Variants in WWOX observed in about 807,000 individuals in gnomAD.
WWOX encodes the protein WW domain containing oxidoreductase.
WWOX carries 69 observed loss-of-function variants against 46.2 expected under a neutral mutation model. The observed-to-expected ratio is 1.49, with a 90% CI of 1.23 to 1.82. WWOX has a LOEUF of 1.82. Among genes scored for constraint, WWOX ranks in the 40% most tolerant of loss-of-function variants. WWOX has a pLI of 0.00. For missense variants in WWOX, 919 were observed against 542.6 expected, an observed-to-expected ratio of 1.69 and a Z score of -6.89; for synonymous variants, 359 against 202.6, an observed-to-expected ratio of 1.77 and a Z score of -6.56.
intron 8 of WWOX, among the ~76,000 whole-genome samples, chr16:78,901,115 C>T (rs1384843081): frequency 6.6e-6 from 1 of 152,174 alleles, no homozygotes; most frequent in Non-Finnish European, 1.5e-5. Flanking sequence ...TTACCTTTCT[C>T]CTTCAAGCTG....
chr16:78,239,691 C>T lies in WWOX; in HGVS notation c.516+75402C>T, dbSNP rs118003830. 9.2e-3 allele frequency among the ~76,000 whole-genome samples: 1,406 copies of T among 152,136 alleles called. 8 individuals carry two copies. Among genetic ancestry groups the T allele is most frequent in the Non-Finnish European group, 0.014 (969 of 68,006 alleles). On this transcript the variant is annotated intron_variant, in intron 5 of 8. Coordinates refer to ENST00000566780, the MANE Select transcript of WWOX (RefSeq NM_016373.4). ...GTGGGTCTACAGTCACATGCCACCA[C>T]GTCTGGCTAGTTTTTGTATTTTTTA...
At chr16:79,102,139 T>C (rs2049212908) in intron 8 of WWOX, among the ~76,000 whole-genome samples, 2 of 151,342 alleles carry the variant, frequency 1.3e-5, no homozygotes, top group Admixed American at 1.3e-4. Flanking sequence ...AACAATGTAC[T>C]GGAGTGCTTA....
At chr16:78,543,651 C>T (rs745728942) in intron 8 of WWOX, among the ~76,000 whole-genome samples, 4 of 152,108 alleles carry the variant, frequency 2.6e-5, no homozygotes, top group Non-Finnish European at 5.9e-5. Flanking sequence ...AATATTAAAC[C>T]CTCAGTTGTA....
At chr16:79,026,464 G>C (rs866626067) in intron 8 of WWOX, among the ~76,000 whole-genome samples, 7 of 151,616 alleles carry the variant, frequency 4.6e-5, no homozygotes, top group Non-Finnish European at 7.4e-5. Flanking sequence ...TCTCACATCA[G>C]CTTGCAGTTC....
chr16:78,599,516 C>G (rs956961037), intron 8 of WWOX, among the ~76,000 whole-genome samples: 1 of 152,228 alleles, frequency 6.6e-6, no homozygotes, highest in Non-Finnish European at 1.5e-5. Flanking sequence ...ATGGATGGCC[C>G]TGGTCATGTG....
intron 8 of WWOX, among the ~76,000 whole-genome samples, chr16:78,687,520 G>A (rs773354768): frequency 9.9e-5 from 15 of 152,108 alleles, no homozygotes; most frequent in Non-Finnish European, 1.9e-4. Context: ...TTGTGACTCT[G>A]CCTTGCCATT....
intron 8 of WWOX, among the ~76,000 whole-genome samples, chr16:78,879,710 G>T (rs2656618): frequency 0.29 from 43,379 of 151,762 alleles, 6,425 homozygotes; most frequent in Middle Eastern, 0.41. Context: ...AAACCCTGTC[G>T]TTACTAAAAA....
intron 4 of WWOX, among the ~76,000 whole-genome samples, chr16:78,146,725 T>C (rs1263303226): frequency 3.3e-5 from 5 of 152,318 alleles, no homozygotes; most frequent in African/African-American, 1.2e-4. Flanking sequence ...TGATGGAGAA[T>C]TTCTTTTACC....
At chr16:78,395,512 G>A (rs2082265107) in intron 6 of WWOX, among the ~76,000 whole-genome samples, 1 of 152,016 alleles carries the variant, frequency 6.6e-6, no homozygotes, top group East Asian at 1.9e-4. Flanking sequence ...AACCTGTCTT[G>A]TAAAGAAAAG....
chr16:78,589,824 CAT>C (rs1316823829), intron 8 of WWOX, among the ~76,000 whole-genome samples: 6 of 152,092 alleles, frequency 3.9e-5, no homozygotes, highest in African/African-American at 7.2e-5. Context: ...TGTAGAATAA[CAT>C]GTGGACCATT....
At chr16:78,377,294 A>G (rs917833734) in intron 5 of WWOX, among the ~76,000 whole-genome samples, 8 of 152,266 alleles carry the variant, frequency 5.3e-5, no homozygotes, top group African/African-American at 1.4e-4. Flanking sequence ...GTATAAAACT[A>G]GAGCAGTCAA....
At chr16:79,002,183 C>A (rs2047106170) in intron 8 of WWOX, among the ~76,000 whole-genome samples, 1 of 125,690 alleles carries the variant, frequency 8.0e-6, no homozygotes, top group African/African-American at 3.0e-5. Flanking sequence ...TATTTGTTAT[C>A]TGAAATTTAG....
Position 78,646,054 on chromosome 16 carries a change from A to G in WWOX, c.1056+213302A>G, listed in dbSNP as rs377307816. 1.1e-4 allele frequency among the ~76,000 whole-genome samples: 16 copies of G among 151,878 alleles called. No individual in the cohort carries two copies. In the South Asian group the frequency reaches 1.2e-3, roughly 12 times the overall value. The stretch of plus-strand genomic sequence containing the variant: ...GACCTTTTAGATCCTTTGTGACTGC[A>G]TTGGTCTTCCTTGGGTAACTGCGCA... On this transcript the variant is annotated intron_variant, in intron 8 of 8. Coordinates refer to ENST00000566780, the MANE Select transcript of WWOX (RefSeq NM_016373.4).
chr16:78,810,572 T>C (rs990053739), intron 8 of WWOX, among the ~76,000 whole-genome samples: 1 of 152,254 alleles, frequency 6.6e-6, no homozygotes, highest in Admixed American at 6.5e-5. Context: ...ATTTCCCTGC[T>C]ACCATGATTG....
chr16:78,567,311 C>G (rs373405126), intron 8 of WWOX, among the ~76,000 whole-genome samples: 2 of 151,622 alleles, frequency 1.3e-5, no homozygotes, highest in African/African-American at 4.8e-5. Context: ...TTTGGGAGGC[C>G]GAGGTGGGTG....
At chr16:78,711,115 C>A (rs2048436124) in intron 8 of WWOX, among the ~76,000 whole-genome samples, 1 of 152,148 alleles carries the variant, frequency 6.6e-6, no homozygotes, top group African/African-American at 2.4e-5. Flanking sequence ...TTCTTTAAAG[C>A]CTGCTGGCTA....
At chr16:78,218,029 C>T (rs767575328) in intron 5 of WWOX, among the ~76,000 whole-genome samples, 1 of 152,172 alleles carries the variant, frequency 6.6e-6, no homozygotes, top group African/African-American at 2.4e-5. Context: ...CTTTCCCTCT[C>T]CCTCCCTGTG....
At chr16:78,424,063 T>C (rs1040615269) in intron 6 of WWOX, among the ~76,000 whole-genome samples, 1 of 151,650 alleles carries the variant, frequency 6.6e-6, no homozygotes, top group Non-Finnish European at 1.5e-5. Context: ...CTGTGTCAGT[T>C]GTTTTGTTTT....
At chr16:79,171,812 A>G (rs1464158775) in intron 8 of WWOX, among the ~76,000 whole-genome samples, 4 of 152,232 alleles carry the variant, frequency 2.6e-5, no homozygotes, top group African/African-American at 9.6e-5. Context: ...TGACAGCAGA[A>G]TCAATCTTCG....
Sources: gnomAD v4.1 joint callset for allele counts (sites outside exome capture counted in the v4.1 genomes callset) on GRCh38, gnomAD v4.1.1 for gene constraint, MANE v1.5 for transcripts, NCBI Gene and HGNC (gene_info 2026-07-23, HGNC 2026-07-21) for gene names.